Variants in CCDC186 observed in about 807,000 individuals in gnomAD.
The protein encoded by CCDC186 is coiled-coil domain-containing protein 186.
A neutral mutation model predicts 113.7 loss-of-function variants in CCDC186; 49 were observed. The ratio of observed to expected loss-of-function variants is 0.43; its 90% CI spans 0.34 to 0.55. The LOEUF (loss-of-function observed/expected upper bound fraction) is 0.55. Ranked by LOEUF, CCDC186 falls within the 20% of genes least tolerant of loss-of-function variation. The pLI is 0.02. For synonymous variants in CCDC186, 355 were observed against 345.8 expected (o/e 1.03, Z -0.30); for missense variants, 890 against 1,011.1 (o/e 0.88, Z 1.62).
chr10:114,158,010 A>T (rs2119817593), intron 2 of CCDC186, among the ~76,000 whole-genome samples: 1 of 152,318 alleles, frequency 6.6e-6, no homozygotes, highest in Non-Finnish European at 1.5e-5. Flanking sequence ...CTCTTCAAAT[A>T]AGTGGTTCTC....
At position 114,131,328 on chromosome 10, in the gene CCDC186, C is replaced by T; in HGVS notation, c.1920G>A (p.Arg640=). ...MKQTNINLES[R]LLKEEELRKE... ...TTCGCAGTTCTTCCTCTTTCAACAA[C>T]CTACTTTCCTGAATAGTAAGTAAAA... Residue 640 remains arginine, a synonymous_variant, in exon 12 of 16, where the codon AGG becomes AGA. Coordinates refer to ENST00000369287, the MANE Select transcript of CCDC186 (RefSeq NM_018017.4). 3 of 1,572,974 alleles carry T rather than the reference C, an allele frequency of 1.9e-6. No individual in the cohort carries two copies. Among genetic ancestry groups the T allele is most frequent in the Non-Finnish European group, 2.6e-6 (3 of 1,164,394 alleles).
chr10:114,174,154 T>C lies in CCDC186; in HGVS notation c.-201A>G, dbSNP rs192664871. 2.1e-6 allele frequency: 1 copy of C among 468,830 alleles called. No individual in the cohort carries two copies. The highest frequency in any genetic ancestry group is 1.6e-5 in the South Asian group (1 of 64,234). The allele number at this position is 468,830 out of a possible 1,614,324, so 29.0% of individuals were successfully genotyped here. A position where few individuals can be genotyped will look rare whatever the true frequency, so the allele number is the denominator to read the frequency against. On this transcript the variant is annotated 5_prime_UTR_variant, in exon 1 of 16. Transcript: ENST00000369287. The stretch of plus-strand genomic sequence containing the variant: ...GTGAGAAACACAGCCGACGCCTCAC[T>C]CAGCGGCCGTTTCCCCAAACCCCTG...
In CCDC186 at chr10:114,124,839, G is replaced by GT. The variant is rs990363693; in HGVS notation, c.*303dup. The GT allele has an allele frequency of 2.8e-5, 7 of 251,926 alleles. No homozygotes were observed. In the Admixed American group the frequency reaches 3.3e-4, roughly 12 times the overall value. The allele number at this position is 251,926 out of a possible 1,614,324, so 15.6% of individuals were successfully genotyped here. On this transcript the variant is annotated 3_prime_UTR_variant, in exon 16 of 16. Coordinates refer to ENST00000369287, the MANE Select transcript of CCDC186 (RefSeq NM_018017.4). Reference sequence around the variant, plus strand: ...TAAAGGGAAGAAATATGAACAAAGGGTTTTTTATAAAAGCCCTTGTAATGT... The same window carrying GT: ...TAAAGGGAAGAAATATGAACAAAGGGTTTTTTTATAAAAGCCCTTGTAATGT...
chr10:114,163,604 A>G (rs964372221), intron 1 of CCDC186, among the ~76,000 whole-genome samples: 1 of 152,192 alleles, frequency 6.6e-6, no homozygotes, highest in African/African-American at 2.4e-5. Flanking sequence ...GGCATTCTCC[A>G]ATCATCCCCA....
chr10:114,167,159 T>A (rs1214974543), intron 1 of CCDC186, among the ~76,000 whole-genome samples: 1 of 151,982 alleles, frequency 6.6e-6, no homozygotes, highest in Non-Finnish European at 1.5e-5. Context: ...TAGCTGGGAT[T>A]ACAGGCACGA....
chr10:114,122,860 G>A lies in CCDC186; in HGVS notation c.*2283C>T, dbSNP rs1306928493. On this transcript the variant is annotated 3_prime_UTR_variant, in exon 16 of 16. Transcript: ENST00000369287. ...TTTCTAAAATGTATAAGGCAAAACA[G>A]GTAATAGAGTCAAAATATTGTTTGT... 2 of 152,122 alleles carry A rather than the reference G, an allele frequency of 1.3e-5. No homozygotes were observed. Among genetic ancestry groups the A allele is most frequent in the Non-Finnish European group, 2.9e-5 (2 of 68,004 alleles). The allele number at this position is 152,122 out of a possible 1,614,324, so 9.4% of individuals were successfully genotyped here. A position where few individuals can be genotyped will look rare whatever the true frequency, so the allele number is the denominator to read the frequency against.
Position 114,138,983 on chromosome 10 carries a change from A to T in CCDC186, c.1222-1693T>A, listed in dbSNP as rs112621046. Among the ~76,000 whole-genome samples the T allele has an allele frequency of 8.4e-3, 1,283 of 152,280 alleles. 20 individuals carry two copies. The highest frequency in any genetic ancestry group is 0.029 in the African/African-American group (1,197 of 41,558). On this transcript the variant is annotated intron_variant, in intron 6 of 15. Transcript: ENST00000369287. ...TGCCGCCTACTCTGCTTTTCCATAGATATAATTTAGGCATGCCCTGGATTC... is the reference window on the plus strand; with the variant it reads ...TGCCGCCTACTCTGCTTTTCCATAGTTATAATTTAGGCATGCCCTGGATTC...
chr10:114,150,969 T>C (rs552301953), intron 4 of CCDC186, 123 bp downstream of exon 4: 317 of 1,166,832 alleles, frequency 2.7e-4, no homozygotes, highest in Non-Finnish European at 2.3e-4. Context: ...TACTTTTATA[T>C]AAAAGAATCA....
intron 2 of CCDC186, among the ~76,000 whole-genome samples, chr10:114,160,131 G>A (rs2032127096): frequency 6.6e-6 from 1 of 151,968 alleles, no homozygotes; most frequent in Non-Finnish European, 1.5e-5. Context: ...TTAGCCGGGT[G>A]TAGTGGTAGG....
intron 4 of CCDC186, among the ~76,000 whole-genome samples, chr10:114,146,566 T>C (rs968010730): frequency 1.3e-5 from 2 of 152,234 alleles, no homozygotes; most frequent in African/African-American, 2.4e-5. Flanking sequence ...CTGGATTAAG[T>C]ATGAAAACTA....
chr10:114,169,522 C>CA (rs1194555641), intron 1 of CCDC186, among the ~76,000 whole-genome samples: 1 of 152,124 alleles, frequency 6.6e-6, no homozygotes, highest in Non-Finnish European at 1.5e-5. Flanking sequence ...GGATTACAGG[C>CA]ATGAGCCCCT....
chr10:114,135,848 A>G (rs752711536), intron 9 of CCDC186, 43 bp downstream of exon 9: 2 of 1,414,750 alleles, frequency 1.4e-6, no homozygotes, highest in African/African-American at 1.4e-5. Flanking sequence ...AAAATTTAAG[A>G]TATTTACCCT....
chr10:114,150,798 G>A (rs184177261), intron 4 of CCDC186, among the ~76,000 whole-genome samples: 11 of 152,132 alleles, frequency 7.2e-5, no homozygotes, highest in East Asian at 5.8e-4. Context: ...ACAGGGATGC[G>A]CCACCACGTC....
intron 1 of CCDC186, among the ~76,000 whole-genome samples, chr10:114,164,237 C>G (rs2032270568): frequency 6.7e-6 from 1 of 149,462 alleles, no homozygotes; most frequent in Non-Finnish European, 1.5e-5. Flanking sequence ...TCTCCTGCCT[C>G]AGCCTCCCGA....
intron 10 of CCDC186, among the ~76,000 whole-genome samples, chr10:114,132,425 A>C (rs993338454): frequency 2.6e-5 from 4 of 152,228 alleles, no homozygotes; most frequent in African/African-American, 4.8e-5. Flanking sequence ...GTGTAAAAAA[A>C]CATTTTTTAT....
rs1447021543 is a variant in CCDC186 at position 114,144,421 on chromosome 10, CAAAAAAAAAACA to C, written c.1221+64_1221+75del. 17 of 1,315,390 alleles carry C rather than the reference CAAAAAAAAAACA, an allele frequency of 1.3e-5. No individual in the cohort carries two copies. In the South Asian group the frequency reaches 1.9e-4, roughly 15 times the overall value. The allele number at this position is 1,315,390 out of a possible 1,614,324, so 81.5% of individuals were successfully genotyped here. A position where few individuals can be genotyped will look rare whatever the true frequency, so the allele number is the denominator to read the frequency against. ...AATCTGAAAGAGCGAGACTCCGTCT[CAAAAAAAAAACA>C]AAAACAAAAACAAAAACAAAAAAAC... On this transcript the variant is annotated intron_variant, in intron 6 of 15. Coordinates refer to ENST00000369287, the MANE Select transcript of CCDC186 (RefSeq NM_018017.4).
At chr10:114,173,071 T>C (rs1436296777) in intron 1 of CCDC186, 3 of 370,832 alleles carry the variant, frequency 8.1e-6, no homozygotes, top group African/African-American at 2.1e-5. Context: ...ACCCGGCCTA[T>C]CGTTTTGGAA....
rs2031078296 is a variant in CCDC186 at position 114,131,288 on chromosome 10, T to A, written c.1960A>T (p.Thr654Ser). The change falls in exon 12 of 16, where the codon ACT becomes TCT. Residue 654 changes from threonine to serine, a missense_variant. Coordinates refer to ENST00000369287, the MANE Select transcript of CCDC186 (RefSeq NM_018017.4). ...CTACAAGCGAGTTCAGCTTGCAGAG[T>A]TTGGACTTCCTCTTTTCGCAGTTCT... Reference protein sequence around the residue: ...EEELRKEEVQTLQAELACRQT... With the variant: ...EEELRKEEVQSLQAELACRQT... 6.3e-7 allele frequency: 1 copy of A among 1,599,772 alleles called. No homozygotes were observed. The highest frequency in any genetic ancestry group is 1.8e-5 in the Admixed American group (1 of 56,824).
intron 1 of CCDC186, chr10:114,173,068 C>A: frequency 2.7e-6 from 1 of 369,830 alleles, no homozygotes; most frequent in Non-Finnish European, 5.5e-6. Context: ...AACACCCGGC[C>A]TATCGTTTTG....
Sources: allele counts gnomAD v4.1 joint callset (sites outside exome capture counted in the v4.1 genomes callset), GRCh38; gene constraint gnomAD v4.1.1; transcripts MANE v1.5; gene names NCBI Gene and HGNC (gene_info 2026-07-23, HGNC 2026-07-21).